The following FRMD4A variants were observed in gnomAD, a reference collection of about 807,000 sequenced individuals.
FRMD4A encodes the protein FERM domain-containing protein 4A.
FRMD4A carries 29 observed loss-of-function variants against 129.1 expected under a neutral mutation model. That is an observed-to-expected ratio of 0.22 (90% confidence interval 0.17 to 0.31). FRMD4A has a LOEUF of 0.31. Ranked by LOEUF, FRMD4A falls within the 10% of genes least tolerant of loss-of-function variation. FRMD4A has a pLI of 1.00. For missense variants in FRMD4A, 1,272 were observed against 1,375.8 expected, an observed-to-expected ratio of 0.92 and a Z score of 1.19; for synonymous variants, 634 against 571.6, an observed-to-expected ratio of 1.11 and a Z score of -1.56.
At chr10:14,221,274 C>G (rs147826196) in intron 2 of FRMD4A, among the ~76,000 whole-genome samples, 2 of 152,294 alleles carry the variant, frequency 1.3e-5, no homozygotes, top group East Asian at 3.9e-4. Context: ...TGGAGGCTGG[C>G]TGTCCATAGG....
chr10:14,259,078 T>C (rs1242500850), intron 2 of FRMD4A, among the ~76,000 whole-genome samples: 2 of 152,182 alleles, frequency 1.3e-5, no homozygotes, highest in Non-Finnish European at 2.9e-5. Flanking sequence ...TTTATTATTA[T>C]AGTGATGGTC....
At position 14,210,156 on chromosome 10, in the gene FRMD4A, C is replaced by A. The variant is rs548613291; in HGVS notation, c.45+119902G>T. Among the ~76,000 whole-genome samples, 22 of 152,274 alleles carry A rather than the reference C, an allele frequency of 1.4e-4. No individual in the cohort carries two copies. The South Asian group carries it at 4.6e-3, about 32-fold the overall frequency. On this transcript the variant is annotated intron_variant, in intron 2 of 24. Transcript: ENST00000357447. ...ATGATTATATCTCCCCAAAATTATT[C>A]CATTGAAATCCTAACTCCCAAAGTG...
chr10:14,112,887 C>T (rs11258872), intron 2 of FRMD4A, among the ~76,000 whole-genome samples: 55,692 of 152,056 alleles, frequency 0.37, 11,079 homozygotes, highest in East Asian at 0.53. Context: ...ACTCCCCCTT[C>T]CCTCAATGTG....
At chr10:14,125,967 A>G (rs1838817721) in intron 2 of FRMD4A, among the ~76,000 whole-genome samples, 1 of 152,198 alleles carries the variant, frequency 6.6e-6, no homozygotes, top group African/African-American at 2.4e-5. Flanking sequence ...ACTCCACTTT[A>G]TTTACTAAAC....
intron 2 of FRMD4A, among the ~76,000 whole-genome samples, chr10:13,889,593 G>A (rs776069505): frequency 1.3e-5 from 2 of 152,110 alleles, no homozygotes; most frequent in South Asian, 2.1e-4. Flanking sequence ...AAGAGAACCC[G>A]TGCCATAAAT....
chr10:14,281,835 A>C (rs1032963995), intron 2 of FRMD4A, among the ~76,000 whole-genome samples: 1 of 152,208 alleles, frequency 6.6e-6, no homozygotes, highest in Non-Finnish European at 1.5e-5. Context: ...GGGTAAACTC[A>C]AACAGGGATG....
At chr10:14,155,840 G>A (rs537934307) in intron 2 of FRMD4A, among the ~76,000 whole-genome samples, 104 of 152,318 alleles carry the variant, frequency 6.8e-4, no homozygotes, top group South Asian at 1.7e-3. Context: ...TGTGCCACAT[G>A]TAGATAGAAA....
chr10:13,651,856 G>T, intron 24 of FRMD4A, 47 bp downstream of exon 24: 3 of 904,630 alleles, frequency 3.3e-6, no homozygotes, highest in Non-Finnish European at 5.6e-6. Flanking sequence ...AACACATGTG[G>T]GACCACAGAC....
chr10:14,091,337 T>C (rs927520598), intron 2 of FRMD4A, among the ~76,000 whole-genome samples: 14 of 152,050 alleles, frequency 9.2e-5, no homozygotes, highest in African/African-American at 3.4e-4. Flanking sequence ...TTGGAGAAAA[T>C]AGCTGCAGGA....
intron 15 of FRMD4A, among the ~76,000 whole-genome samples, chr10:13,691,835 A>G (rs2085726280): frequency 6.6e-6 from 1 of 152,170 alleles, no homozygotes; most frequent in Non-Finnish European, 1.5e-5. Context: ...GTTGTGTTTA[A>G]AACACAAACA....
At chr10:14,248,381 A>T (rs1458060729) in intron 2 of FRMD4A, among the ~76,000 whole-genome samples, 1 of 152,258 alleles carries the variant, frequency 6.6e-6, no homozygotes, top group African/African-American at 2.4e-5. Context: ...ATAATACATT[A>T]ATGTAGAAAT....
At chr10:13,736,925 C>T (rs570176380) in intron 12 of FRMD4A, among the ~76,000 whole-genome samples, 9 of 152,252 alleles carry the variant, frequency 5.9e-5, no homozygotes, top group South Asian at 4.1e-4. Context: ...AAAATTCAAA[C>T]GTTGTATCCC....
chr10:14,002,798 T>G (rs2095647093), intron 2 of FRMD4A, among the ~76,000 whole-genome samples: 1 of 151,976 alleles, frequency 6.6e-6, no homozygotes, highest in Non-Finnish European at 1.5e-5. Flanking sequence ...TCCTGTGGAA[T>G]TGGCTTTAGG....
At chr10:13,780,699 G>T (rs1214073796) in intron 6 of FRMD4A, among the ~76,000 whole-genome samples, 1 of 152,192 alleles carries the variant, frequency 6.6e-6, no homozygotes, top group Non-Finnish European at 1.5e-5. Context: ...ATGTTGGAGA[G>T]GATGTGGAGA....
chr10:14,221,489 C>T (rs1434511698), intron 2 of FRMD4A, among the ~76,000 whole-genome samples: 1 of 152,166 alleles, frequency 6.6e-6, no homozygotes, highest in Admixed American at 6.5e-5. Context: ...GGAATTGCAA[C>T]ATTTTGTCTT....
intron 2 of FRMD4A, among the ~76,000 whole-genome samples, chr10:13,916,383 C>A (rs1199802220): frequency 1.3e-5 from 2 of 152,208 alleles, no homozygotes; most frequent in Admixed American, 6.5e-5. Context: ...AGGCCCAGCC[C>A]TGCCCATTCC....
intron 2 of FRMD4A, among the ~76,000 whole-genome samples, chr10:14,184,298 A>ATTTTTTTTTTTT (rs60196881): frequency 7.6e-5 from 8 of 104,898 alleles, no homozygotes; most frequent in South Asian, 3.5e-4. Context: ...CAACCGGTTA[A>ATTTTTTTTTTTT]TTTTTTTTTT....
intron 2 of FRMD4A, among the ~76,000 whole-genome samples, chr10:14,018,060 A>G (rs1315281201): frequency 6.6e-6 from 1 of 152,048 alleles, no homozygotes; most frequent in Non-Finnish European, 1.5e-5. Flanking sequence ...AGAATTTTAA[A>G]CCTCTATGGC....
intron 3 of FRMD4A, among the ~76,000 whole-genome samples, chr10:13,823,232 C>A (rs2093654646): frequency 6.6e-6 from 1 of 152,172 alleles, no homozygotes; most frequent in African/African-American, 2.4e-5. Flanking sequence ...GGGGAGCCTG[C>A]TCTATTCATG....
Sources: allele counts gnomAD v4.1 joint callset (sites outside exome capture counted in the v4.1 genomes callset), GRCh38; gene constraint gnomAD v4.1.1; transcripts MANE v1.5; gene names NCBI Gene and HGNC (gene_info 2026-07-23, HGNC 2026-07-21).